SSRP1: variants seen among roughly 807,000 people sequenced by gnomAD.
The protein encoded by SSRP1 is FACT complex subunit SSRP1.
SSRP1 carries 21 observed loss-of-function variants against 84.4 expected under a neutral mutation model. That is an observed-to-expected ratio of 0.25 (90% CI 0.18 to 0.36). The LOEUF (loss-of-function observed/expected upper bound fraction) is 0.36, where lower values mean the gene tolerates loss of function less well. SSRP1 is among the 10% of genes least tolerant of loss of function. The pLI, the probability that SSRP1 is intolerant of heterozygous loss-of-function variation, is 1.00. For missense variants in SSRP1, 519 were observed against 900.8 expected (o/e 0.58, Z 5.43); for synonymous variants, 319 against 318.3 (o/e 1.00, Z -0.02).
chr11:57,329,181 G>A (rs10792088), intron 12 of SSRP1: 21,072 of 152,192 alleles, frequency 0.14, 1,530 homozygotes, highest in Middle Eastern at 0.18. Context: ...ACCTTCATAA[G>A]CATGTGGCAG....
At chr11:57,327,937 C>G in intron 13 of SSRP1, 55 bp from the exon 14 acceptor site, 1 of 1,580,616 alleles carries the variant, frequency 6.3e-7, no homozygotes, top group Non-Finnish European at 8.6e-7. Context: ...ATACATTTTC[C>G]CAAATAAATT....
intron 3 of SSRP1, 29 bp from the exon 4 acceptor site, chr11:57,333,569 C>T (rs368920175): frequency 3.2e-6 from 5 of 1,557,806 alleles, no homozygotes; most frequent in Non-Finnish European, 4.4e-6. Context: ...AAGCACAATC[C>T]CAGTAAACCT....
chr11:57,335,188 G>C lies in SSRP1; in HGVS notation c.-67C>G, dbSNP rs1432781522. The C allele has an allele frequency of 6.3e-7, 1 of 1,578,654 alleles. No individual in the cohort carries two copies. The highest frequency in any genetic ancestry group is 8.7e-7 in the Non-Finnish European group (1 of 1,149,020). Reference sequence around the variant, plus strand: ...GCACAAGGGAAACCAAGTAAACTGGGAGCTGGGCCCCAACTCCTGAGTGGG... The same window carrying C: ...GCACAAGGGAAACCAAGTAAACTGGCAGCTGGGCCCCAACTCCTGAGTGGG... On this transcript the variant is annotated 5_prime_UTR_variant, in exon 2 of 17. Transcript: ENST00000278412. The surrounding 1 kb of genome is among the most constrained non-coding windows in gnomAD (Gnocchi z 4.6).
chr11:57,330,392 T>C lies in SSRP1; in HGVS notation c.1334A>G (p.Asp445Gly). ...NPSYDEYADSDEDQHDAYLER... is the reference protein window; with the variant it reads ...NPSYDEYADSGEDQHDAYLER... ...CAAGTAGGCATCATGCTGGTCCTCA[T>C]CAGAGTCAGCATATTCATCGTAGCT... The change falls in exon 11 of 17, where the codon GAT becomes GGT. Residue 445 changes from aspartate to glycine, a missense_variant. Transcript: ENST00000278412. The surrounding 1 kb of genome is among the most constrained non-coding windows in gnomAD (Gnocchi z 4.0). 6.2e-7 allele frequency: 1 copy of C among 1,614,140 alleles called. No individual in the cohort carries two copies. The highest frequency in any genetic ancestry group is 1.3e-5 in the African/African-American group (1 of 75,062).
Position 57,330,863 on chromosome 11 carries a change from A to G in SSRP1, c.1288T>C (p.Leu430=), listed in dbSNP as rs751392689. ...TCCCCACACAGAAGTACCTCTTTCA[A>G]TCCTCGGTTTTTGATGTTGAGCTTT... The part of the protein sequence containing the change: ...AKKLNIKNRG[L]KEGMNPSYDE... Residue 430 remains leucine (L), a synonymous_variant, in exon 10 of 17, where the codon TTG becomes CTG. Transcript: ENST00000278412. The surrounding 1 kb of genome is among the most constrained non-coding windows in gnomAD (Gnocchi z 4.0). 31 of 1,614,212 alleles carry G rather than the reference A, an allele frequency of 1.9e-5. No individual in the cohort carries two copies. Among genetic ancestry groups the G allele is most frequent in the Non-Finnish European group, 2.5e-5 (30 of 1,180,020 alleles).
In SSRP1 at chr11:57,335,303, G is replaced by A. The variant is rs973198746; in HGVS notation, c.-119-63C>T. The A allele has an allele frequency of 2.3e-5, 15 of 641,368 alleles. No individual in the cohort carries two copies. The highest frequency in any genetic ancestry group is 1.4e-4 in the East Asian group (5 of 35,936). The allele number at this position is 641,368 out of a possible 1,614,324, so 39.7% of individuals were successfully genotyped here. On this transcript the variant is annotated intron_variant, in intron 1 of 16. Transcript: ENST00000278412. This position sits in a 1 kb window ranked among gnomAD's most constrained non-coding sequence, Gnocchi z 4.6. ...GCACCTCGCTGTGCTCACGGATGGA[G>A]CCAGGTAGCAACTCCCAGCTGCGCC...
rs534693346 is a variant in SSRP1 at position 57,335,601 on chromosome 11, G to A, written c.-120+129C>T. 5.4e-6 allele frequency: 1 copy of A among 183,630 alleles called. No homozygotes were observed. The highest frequency in any genetic ancestry group is 1.3e-4 in the East Asian group (1 of 7,608). The allele number at this position is 183,630 out of a possible 1,614,324, so 11.4% of individuals were successfully genotyped here. On this transcript the variant is annotated intron_variant, in intron 1 of 16. Coordinates refer to ENST00000278412, the MANE Select transcript of SSRP1 (RefSeq NM_003146.3). This position sits in a 1 kb window ranked among gnomAD's most constrained non-coding sequence, Gnocchi z 4.6. ...ACCACCCCGCGGCCCCAGACCCACG[G>A]TTCACCCCCGCCCCACATAATGGAT...
intron 14 of SSRP1, 23 bp from the exon 15 acceptor site, chr11:57,327,537 C>T: frequency 6.2e-7 from 1 of 1,613,762 alleles, no homozygotes. Context: ...CAGAAAAAAA[C>T]AGTTAAGAAT....
rs1269887973 is a variant in SSRP1, at chr11:57,327,802, C to G, written c.1692G>C (p.Lys564Asn). 1 of 1,614,192 alleles carries G rather than the reference C, an allele frequency of 6.2e-7. No individual in the cohort carries two copies. The highest frequency in any genetic ancestry group is 1.7e-5 in the Admixed American group (1 of 60,028). ...TGATGCCAGGATGGTCTGACTTGAT[C>G]TTCTCTCGGCTGGCATTGAGCCACA... is the stretch of plus-strand genomic sequence containing the variant. ...YMLWLNASRE[K>N]IKSDHPGISI... Residue 564 changes from lysine to asparagine, a missense_variant, in exon 14 of 17, where the codon AAG (lysine) becomes AAC (asparagine). Lys to Asn is a moderately conservative substitution (Grantham distance 94). Coordinates refer to ENST00000278412, the MANE Select transcript of SSRP1 (RefSeq NM_003146.3).
chr11:57,331,035 C>T, intron 9 of SSRP1, 108 bp from the exon 10 acceptor site: 1 of 1,243,988 alleles, frequency 8.0e-7, no homozygotes, highest in Non-Finnish European at 1.2e-6. Context: ...GCCTGGAGCT[C>T]TTGACTATGC....
In SSRP1 at chr11:57,332,390, T is replaced by G; in HGVS notation, c.865A>C (p.Met289Leu). The G allele has an allele frequency of 6.2e-7, 1 of 1,614,126 alleles. No individual in the cohort carries two copies. Among genetic ancestry groups the G allele is most frequent in the Middle Eastern group, 1.6e-4 (1 of 6,062 alleles). The part of the protein sequence containing the change: ...KDEDISLTLN[M>L]NEEEVEKRFE... The stretch of plus-strand genomic sequence containing the variant: ...GTCCAGGGAGACACTCACTCGTTCA[T>G]GTTCAGAGTCAACGAAATGTCCTCG... Residue 289 changes from methionine to leucine, a missense_variant, in exon 7 of 17, where the codon ATG becomes CTG. Coordinates refer to ENST00000278412, the MANE Select transcript of SSRP1 (RefSeq NM_003146.3). The surrounding 1 kb of genome is among the most constrained non-coding windows in gnomAD (Gnocchi z 5.5).
At chr11:57,328,231 A>C in intron 13 of SSRP1, 66 bp downstream of exon 13, 1 of 1,583,226 alleles carries the variant, frequency 6.3e-7, no homozygotes, top group Non-Finnish European at 8.6e-7. Context: ...GAGAAGGTAA[A>C]GAGAATGCCT....
intron 4 of SSRP1, 116 bp from the exon 5 acceptor site, chr11:57,333,265 A>G: frequency 2.4e-6 from 3 of 1,263,826 alleles, no homozygotes; most frequent in Non-Finnish European, 3.3e-6. Context: ...TGTTTAGACT[A>G]TAACCCCAAC....
Position 57,327,886 on chromosome 11 carries a change from CATA to C in SSRP1, c.1612-7_1612-5del. ...TGGGGTCTTTGCCCTTCTTCACCTA[CATA>C]AGAACCCAAATGCCTTCAGCTATTT... On this transcript the variant is annotated splice_polypyrimidine_tract_variant and splice_region_variant and intron_variant, in intron 13 of 16. Transcript: ENST00000278412. 6.2e-7 allele frequency: 1 copy of C among 1,612,144 alleles called. No individual in the cohort carries two copies. Among genetic ancestry groups the C allele is most frequent in the Non-Finnish European group, 8.5e-7 (1 of 1,178,664 alleles).
intron 12 of SSRP1, 131 bp downstream of exon 12, chr11:57,329,962 C>T (rs942500469): frequency 1.4e-5 from 16 of 1,122,000 alleles, no homozygotes; most frequent in Non-Finnish European, 2.0e-5. Flanking sequence ...TCGTATATCA[C>T]CTCATTGGAG....
chr11:57,326,492 G>C lies in SSRP1; in HGVS notation c.2059-14C>G, dbSNP rs746888659. 4 of 1,613,848 alleles carry C rather than the reference G, an allele frequency of 2.5e-6. No individual in the cohort carries two copies. The African/African-American group carries it at 4.0e-5, about 16-fold the overall frequency. ...TTCTTCAGAGTCCTGAAAACCAAAG[G>C]TGTCTTAAGGGAAAAGCTGGAGTCC... On this transcript the variant is annotated splice_polypyrimidine_tract_variant and intron_variant, in intron 16 of 16. Coordinates refer to ENST00000278412, the MANE Select transcript of SSRP1 (RefSeq NM_003146.3).
intron 2 of SSRP1, 59 bp from the exon 3 acceptor site, chr11:57,334,707 C>T: frequency 6.3e-7 from 1 of 1,578,892 alleles, no homozygotes. Context: ...CTGGGTTCTA[C>T]AGCTCTACCT....
chr11:57,334,792 T>G, intron 2 of SSRP1, 144 bp from the exon 3 acceptor site: 1 of 1,028,906 alleles, frequency 9.7e-7, no homozygotes, highest in Non-Finnish European at 1.4e-6. Flanking sequence ...CCAAGGAGTC[T>G]AGATTCTAAA....
intron 3 of SSRP1, among the ~76,000 whole-genome samples, chr11:57,333,889 C>T (rs1289356239): frequency 6.6e-6 from 1 of 152,256 alleles, no homozygotes. Context: ...CAATGGCTCA[C>T]GCCTGTAATC....
Sources: allele counts gnomAD v4.1 joint callset (sites outside exome capture counted in the v4.1 genomes callset), GRCh38; gene constraint gnomAD v4.1.1; non-coding constraint Gnocchi (gnomAD v3.1); transcripts MANE v1.5; gene names NCBI Gene and HGNC (gene_info 2026-07-23, HGNC 2026-07-21).